FBN2: variants seen among roughly 807,000 people sequenced by gnomAD.
FBN2 encodes the protein fibrillin 2, also known as fibrillin-2.
Under a neutral mutation model 355.6 loss-of-function variants are expected in FBN2, and 105 were observed. The ratio of observed to expected loss-of-function variants is 0.30; its 90% CI spans 0.25 to 0.35. The LOEUF (loss-of-function observed/expected upper bound fraction) is 0.35. Ranked by LOEUF, FBN2 falls within the 10% of genes least tolerant of loss-of-function variation. FBN2 has a pLI of 1.00. For missense variants in FBN2, 3,280 were observed against 3,758.7 expected, an observed-to-expected ratio of 0.87 and a Z score of 3.33; for synonymous variants, 1,350 against 1,301.2, an observed-to-expected ratio of 1.04 and a Z score of -0.81.
In FBN2 at chr5:128,453,651, T is replaced by G. The variant is rs566915129; in HGVS notation, c.827-7045A>C. ...TTTCTTTTTTTGTTGTTGGTTTTCTTTTTTTTCAGTTTTTATATGCAGGCC... is the reference window on the plus strand; with the variant it reads ...TTTCTTTTTTTGTTGTTGGTTTTCTGTTTTTTCAGTTTTTATATGCAGGCC... On this transcript the variant is annotated intron_variant, in intron 6 of 64. Transcript: ENST00000262464. 2.3e-4 allele frequency among the ~76,000 whole-genome samples: 35 copies of G among 151,992 alleles called. 1 individual carries two copies. In the Middle Eastern group the frequency reaches 0.024, roughly 103 times the overall value.
chr5:128,520,455 T>C (rs1756401695), intron 4 of FBN2, among the ~76,000 whole-genome samples: 1 of 151,908 alleles, frequency 6.6e-6, no homozygotes, highest in Admixed American at 6.6e-5. Context: ...ACAAATGGAG[T>C]TGAAGGACAC....
At chr5:128,512,037 G>T (rs75633211) in intron 5 of FBN2, among the ~76,000 whole-genome samples, 143 of 152,114 alleles carry the variant, frequency 9.4e-4, no homozygotes, top group African/African-American at 3.2e-3. Flanking sequence ...AGATAAGTAG[G>T]GTCTAATTCA....
At chr5:128,520,045 T>C (rs896846340) in intron 4 of FBN2, among the ~76,000 whole-genome samples, 6 of 152,182 alleles carry the variant, frequency 3.9e-5, no homozygotes. Context: ...AAGCATAATA[T>C]GTTTTTTCAT....
intron 25 of FBN2, among the ~76,000 whole-genome samples, chr5:128,343,431 C>T (rs978078251): frequency 6.6e-6 from 1 of 152,086 alleles, no homozygotes; most frequent in Admixed American, 6.5e-5. Flanking sequence ...ATAGCCTTGG[C>T]TGAGGAGGCA....
At chr5:128,336,189 G>T in intron 27 of FBN2, 76 bp from the exon 28 acceptor site, 1 of 1,446,452 alleles carries the variant, frequency 6.9e-7, no homozygotes, top group Non-Finnish European at 9.7e-7. Context: ...CTTCACCAGA[G>T]CAGTGGTCTC....
At chr5:128,453,714 C>G (rs1228399353) in intron 6 of FBN2, among the ~76,000 whole-genome samples, 1 of 151,982 alleles carries the variant, frequency 6.6e-6, no homozygotes, top group Non-Finnish European at 1.5e-5. Context: ...CAGCCATTTC[C>G]TGCTGAAATG....
At chr5:128,331,217 T>C (rs1305266289) in intron 32 of FBN2, among the ~76,000 whole-genome samples, 1 of 152,050 alleles carries the variant, frequency 6.6e-6, no homozygotes, top group African/African-American at 2.4e-5. Flanking sequence ...CAAGGTGCCA[T>C]GAGAGAATAA....
chr5:128,418,075 T>G (rs556345064), intron 7 of FBN2, among the ~76,000 whole-genome samples: 5 of 152,286 alleles, frequency 3.3e-5, no homozygotes, highest in South Asian at 2.1e-4. Context: ...TGTCCACAGA[T>G]TTATCTATTT....
At chr5:128,290,584 G>T in intron 50 of FBN2, 148 bp downstream of exon 50, 1 of 813,020 alleles carries the variant, frequency 1.2e-6, no homozygotes, top group Non-Finnish European at 2.1e-6. Flanking sequence ...AGTTTCTCAG[G>T]CTAGGTTGTT....
chr5:128,339,033 G>A lies in FBN2; in HGVS notation c.3372C>T (p.Asp1124=). 1 of 1,613,970 alleles carries A rather than the reference G, an allele frequency of 6.2e-7. No homozygotes were observed. The part of the protein sequence containing the change: ...TDIDECRISP[D]LCGSGICVNT... ...TGACGCAGATTCCACTGCCACAGAGGTCAGGAGAAATCCTGCACTCGTCGA... is the reference window on the plus strand; with the variant it reads ...TGACGCAGATTCCACTGCCACAGAGATCAGGAGAAATCCTGCACTCGTCGA... The change falls in exon 26 of 65, where the codon GAC becomes GAT. Residue 1124 remains aspartate, a synonymous_variant. Transcript: ENST00000262464.
chr5:128,426,448 G>C (rs1038379873), intron 7 of FBN2, among the ~76,000 whole-genome samples: 5 of 152,286 alleles, frequency 3.3e-5, no homozygotes, highest in Admixed American at 3.3e-4. Flanking sequence ...TGTCAACTGA[G>C]AGAATATATG....
chr5:128,422,034 T>C (rs1194510772), intron 7 of FBN2, among the ~76,000 whole-genome samples: 1 of 152,158 alleles, frequency 6.6e-6, no homozygotes, highest in Non-Finnish European at 1.5e-5. Context: ...GCTTTAAAGA[T>C]GGAAGAGGCC....
In FBN2 at chr5:128,391,458, C is replaced by G. The variant is rs566363429; in HGVS notation, c.1603+560G>C. Among the ~76,000 whole-genome samples, 49 of 152,210 alleles carry G rather than the reference C, an allele frequency of 3.2e-4. 1 individual carries two copies. The highest frequency in any genetic ancestry group is 1.2e-3 in the African/African-American group (48 of 41,550). ...AATGTAGTTTTTCATAAAAATGTTA[C>G]TTATGTCAACATGCAATGGATTCAT... On this transcript the variant is annotated intron_variant, in intron 11 of 64. Transcript: ENST00000262464.
chr5:128,427,976 T>G (rs931771121), intron 7 of FBN2, among the ~76,000 whole-genome samples: 7 of 152,226 alleles, frequency 4.6e-5, no homozygotes, highest in African/African-American at 1.7e-4. Flanking sequence ...CCATCTCAGT[T>G]AATGGCAATT....
At chr5:128,402,976 G>C (rs1416330218) in intron 8 of FBN2, among the ~76,000 whole-genome samples, 1 of 152,142 alleles carries the variant, frequency 6.6e-6, no homozygotes, top group Non-Finnish European at 1.5e-5. Flanking sequence ...TCACTGTAAG[G>C]AAAACTTCTC....
intron 33 of FBN2, 120 bp from the exon 34 acceptor site, chr5:128,328,941 C>A: frequency 1.0e-6 from 1 of 985,082 alleles, no homozygotes; most frequent in Non-Finnish European, 1.6e-6. Context: ...CATGAAACAA[C>A]AGTTAATCAC....
At chr5:128,499,873 C>T (rs1755758727) in intron 5 of FBN2, among the ~76,000 whole-genome samples, 1 of 151,944 alleles carries the variant, frequency 6.6e-6, no homozygotes, top group Non-Finnish European at 1.5e-5. Context: ...CAGATGAAGA[C>T]ATTCACAAAC....
intron 8 of FBN2, among the ~76,000 whole-genome samples, chr5:128,397,927 A>G (rs1247437184): frequency 6.6e-6 from 1 of 152,128 alleles, no homozygotes; most frequent in African/African-American, 2.4e-5. Flanking sequence ...AAAGAGCCAT[A>G]TGCTTAGTTT....
chr5:128,359,407 G>A (rs1052194730), intron 19 of FBN2, among the ~76,000 whole-genome samples: 1 of 152,036 alleles, frequency 6.6e-6, no homozygotes, highest in African/African-American at 2.4e-5. Flanking sequence ...AAATAAGAAA[G>A]CGACCCAAGG....
Sources: allele counts gnomAD v4.1 joint callset (sites outside exome capture counted in the v4.1 genomes callset), GRCh38; gene constraint gnomAD v4.1.1; transcripts MANE v1.5; gene names NCBI Gene and HGNC (gene_info 2026-07-23, HGNC 2026-07-21).